CSNK1D: variants seen among roughly 807,000 people sequenced by gnomAD.
The protein encoded by CSNK1D is casein kinase I isoform delta.
Under a neutral mutation model 46.6 loss-of-function variants are expected in CSNK1D, and 16 were observed. The ratio of observed to expected loss-of-function variants is 0.34; its 90% CI spans 0.23 to 0.52. CSNK1D has a LOEUF of 0.52. CSNK1D is among the 20% of genes least tolerant of loss of function. CSNK1D has a pLI of 0.95. For missense variants in CSNK1D, 398 were observed against 578.4 expected (o/e 0.69, Z 3.20); for synonymous variants, 276 against 228.2 (o/e 1.21, Z -1.89).
In CSNK1D at chr17:82,252,082, C is replaced by T. The variant is rs1473617835; in HGVS notation, c.736+352G>A. ...TCCTACAAATGCAAAGGAAATCTCCCGAGCTCCTGGAGGGGGCCAGAGAGG... is the reference window on the plus strand; with the variant it reads ...TCCTACAAATGCAAAGGAAATCTCCTGAGCTCCTGGAGGGGGCCAGAGAGG... On this transcript the variant is annotated intron_variant, in intron 5 of 8. Coordinates refer to ENST00000314028, the MANE Select transcript of CSNK1D (RefSeq NM_001893.6). This position sits in a 1 kb window ranked among gnomAD's most constrained non-coding sequence, Gnocchi z 4.6. 1.3e-5 allele frequency among the ~76,000 whole-genome samples: 2 copies of T among 152,188 alleles called. No individual in the cohort carries two copies. Among genetic ancestry groups the T allele is most frequent in the African/African-American group, 2.4e-5 (1 of 41,430 alleles).
At chr17:82,254,326 G>T (rs1376027496) in intron 3 of CSNK1D, 1 of 293,708 alleles carries the variant, frequency 3.4e-6, no homozygotes, top group Non-Finnish European at 6.2e-6. Flanking sequence ...CAGCTGAGCC[G>T]CCGGGGCCTC....
rs1187503032 is a variant in CSNK1D at position 82,265,807 on chromosome 17, AAAG to A, written c.77-14_77-12del. 3.1e-6 allele frequency: 5 copies of A among 1,603,784 alleles called. No individual in the cohort carries two copies. The highest frequency in any genetic ancestry group is 3.4e-6 in the Non-Finnish European group (4 of 1,170,566). ...CAGCAATGTCCGTACCTTGGCAAAG[AAAG>A]AAAACCACAACAGGAATTACCTGGT... On this transcript the variant is annotated splice_polypyrimidine_tract_variant and intron_variant, in intron 1 of 8. Transcript: ENST00000314028.
chr17:82,239,183 A>G (rs975190563), downstream of CSNK1D: 5 of 487,332 alleles, frequency 1.0e-5, no homozygotes, highest in African/African-American at 2.0e-5. Context: ...GGTGAAGCCA[A>G]GCCGCAAGGT....
At position 82,248,895 on chromosome 17, in the gene CSNK1D, AGGTATCTTGTC is replaced by A; in HGVS notation, c.1166_1176del (p.Arg389LeufsTer48). The A allele has an allele frequency of 2.5e-6, 4 of 1,610,670 alleles. No individual in the cohort carries two copies. The highest frequency in any genetic ancestry group is 3.4e-6 in the Non-Finnish European group (4 of 1,178,336). ...CCTACCTGTGAGGTGGACATGCGAG[AGGTATCTTGTC>A]GGCCTGTGAGGTCGGACGAGGAGAT... On this transcript the variant is annotated frameshift_variant, in exon 8 of 9. Transcript: ENST00000314028. LOFTEE classifies it high-confidence loss of function. This position sits in a 1 kb window ranked among gnomAD's most constrained non-coding sequence, Gnocchi z 4.1.
chr17:82,242,905 C>T lies in CSNK1D; in HGVS notation c.*1876G>A. 11 of 985,458 alleles carry T rather than the reference C, an allele frequency of 1.1e-5. No individual in the cohort carries two copies. Among genetic ancestry groups the T allele is most frequent in the Non-Finnish European group, 1.3e-5 (11 of 829,938 alleles). 61.0% of individuals were successfully genotyped at this position (985,458 alleles called of 1,614,324 possible). On this transcript the variant is annotated 3_prime_UTR_variant, in exon 9 of 9. Coordinates refer to ENST00000314028, the MANE Select transcript of CSNK1D (RefSeq NM_001893.6). ...AACCCGGGCGCAGAGCTGCCTCGCA[C>T]AAACGTTCTGGGCACTACATCGGGA...
chr17:82,242,855 C>CG lies in CSNK1D; in HGVS notation c.*1925dup. On this transcript the variant is annotated 3_prime_UTR_variant, in exon 9 of 9. Transcript: ENST00000314028. ...AGGACTGTCACAAGCACTCCGAAGA[C>CG]GCGACCCGGCGAGGCTCGGGCTGGA... 1.0e-6 allele frequency: 1 copy of CG among 985,440 alleles called. No homozygotes were observed. Among genetic ancestry groups the CG allele is most frequent in the Non-Finnish European group, 1.2e-6 (1 of 829,944 alleles). The allele number at this position is 985,440 out of a possible 1,614,324, so 61.0% of individuals were successfully genotyped here. A position where few individuals can be genotyped will look rare whatever the true frequency, so the allele number is the denominator to read the frequency against.
intron 2 of CSNK1D, 46 bp downstream of exon 2, chr17:82,265,640 T>C: frequency 6.9e-7 from 1 of 1,450,586 alleles, no homozygotes; most frequent in Non-Finnish European, 9.7e-7. Flanking sequence ...TGTTCTCCCT[T>C]GTCAAACAGA....
At chr17:82,244,932 C>T in intron 8 of CSNK1D, 101 bp from the exon 9 acceptor site, 1 of 1,497,436 alleles carries the variant, frequency 6.7e-7, no homozygotes, top group Non-Finnish European at 9.2e-7. Flanking sequence ...GACGCACCGC[C>T]ACCGCCTAGC....
chr17:82,246,124 C>G, intron 8 of CSNK1D: 1 of 1,551,510 alleles, frequency 6.4e-7, no homozygotes, highest in Non-Finnish European at 8.7e-7. Context: ...GATGGGCATC[C>G]TTGCCTCAAC....
rs553811035 is a variant in CSNK1D, at chr17:82,253,424, C to T, written c.337-180G>A. Reference sequence around the variant, plus strand: ...AAATTGTTCCCCCAGGTGCCTGCAGCAACCCTCCACACTCCACCCTCCACA... The same window carrying T: ...AAATTGTTCCCCCAGGTGCCTGCAGTAACCCTCCACACTCCACCCTCCACA... On this transcript the variant is annotated intron_variant, in intron 3 of 8. Transcript: ENST00000314028. The T allele has an allele frequency of 9.5e-4, 609 of 642,806 alleles. 3 individuals carry two copies. In the African/African-American group the frequency reaches 0.01, roughly 11 times the overall value. The allele number at this position is 642,806 out of a possible 1,614,324, so 39.8% of individuals were successfully genotyped here. A position where few individuals can be genotyped will look rare whatever the true frequency, so the allele number is the denominator to read the frequency against.
chr17:82,246,870 C>T (rs2050864083), intron 8 of CSNK1D: 1 of 985,914 alleles, frequency 1.0e-6, no homozygotes, highest in Non-Finnish European at 1.2e-6. Flanking sequence ...GACTGTGTCT[C>T]CAGCTCACCC....
chr17:82,270,746 TG>T (rs2051599190), intron 1 of CSNK1D, among the ~76,000 whole-genome samples: 1 of 150,770 alleles, frequency 6.6e-6, no homozygotes, highest in African/African-American at 2.5e-5. Flanking sequence ...CCAATGCTGA[TG>T]GGAAAAAAAA....
chr17:82,246,903 G>A, intron 8 of CSNK1D: 2 of 985,668 alleles, frequency 2.0e-6, no homozygotes, highest in South Asian at 9.4e-5. Context: ...GAGGCGCTCA[G>A]AGCAATTGAG....
At chr17:82,239,721 G>A (rs1286805795), downstream of CSNK1D, 5 of 375,308 alleles carry the variant, frequency 1.3e-5, no homozygotes, top group Middle Eastern at 6.6e-4. Context: ...GGTTAGATGG[G>A]AGCTGAGGTG....
At chr17:82,253,786 A>T in intron 3 of CSNK1D, 1 of 311,174 alleles carries the variant, frequency 3.2e-6, no homozygotes, top group Non-Finnish European at 6.0e-6. Context: ...GAGCCTCGAG[A>T]AGCCAGTGAG....
downstream of CSNK1D, among the ~76,000 whole-genome samples, chr17:82,241,703 C>T (rs961476640): frequency 6.6e-6 from 1 of 152,208 alleles, no homozygotes; most frequent in Admixed American, 6.5e-5. Flanking sequence ...GAGGGAACCA[C>T]GTGAGGCGGG....
At chr17:82,247,632 C>G in intron 8 of CSNK1D, 13 of 985,426 alleles carry the variant, frequency 1.3e-5, no homozygotes, top group Non-Finnish European at 1.6e-5. Context: ...GAACTGCTCA[C>G]AGGAACTGAT....
intron 1 of CSNK1D, chr17:82,266,709 T>C (rs1408553602): frequency 2.0e-5 from 3 of 152,558 alleles, no homozygotes; most frequent in African/African-American, 7.2e-5. Flanking sequence ...AAAAAGAAGC[T>C]GCACACAGTA....
intron 8 of CSNK1D, chr17:82,245,095 G>C (rs548880770): frequency 3.2e-5 from 19 of 595,864 alleles, no homozygotes; most frequent in Non-Finnish European, 4.2e-5. Flanking sequence ...CGAAGGATCC[G>C]AGTGGAGCGG....
Sources: allele counts gnomAD v4.1 joint callset (sites outside exome capture counted in the v4.1 genomes callset), GRCh38; gene constraint gnomAD v4.1.1; non-coding constraint Gnocchi (gnomAD v3.1); transcripts MANE v1.5; gene names NCBI Gene and HGNC (gene_info 2026-07-23, HGNC 2026-07-21).